The following FBXW12 variants were observed in gnomAD, a reference collection of about 807,000 sequenced individuals.
The protein encoded by FBXW12 is F-box/WD repeat-containing protein 12.
A neutral mutation model predicts 55.3 loss-of-function variants in FBXW12; 43 were observed. That is an observed-to-expected ratio of 0.78 (90% CI 0.61 to 1.00). FBXW12 has a LOEUF of 1.00. Among genes scored for constraint, FBXW12 ranks in the 50% least tolerant of loss-of-function variants. FBXW12 has a pLI of 0.00. For synonymous variants in FBXW12, 184 were observed against 203.8 expected, an observed-to-expected ratio of 0.90 and a Z score of 0.83; for missense variants, 524 against 560.5, an observed-to-expected ratio of 0.93 and a Z score of 0.66.
rs1199783743 is a variant in FBXW12, at chr3:48,373,585, A to G, written c.166A>G (p.Thr56Ala). The G allele has an allele frequency of 6.2e-7, 1 of 1,614,066 alleles. No homozygotes were observed. Among genetic ancestry groups the G allele is most frequent in the Non-Finnish European group, 8.5e-7 (1 of 1,180,004 alleles). The change falls in exon 4 of 11, where the codon ACC becomes GCC. Residue 56 changes from threonine to alanine, a missense_variant. Transcript: ENST00000296438. ...GCAGAGATGGGACTGCAGCAACTTC[A>G]CCAATCAACACCTGGGCACACACAC... is the stretch of plus-strand genomic sequence containing the variant. ...SLQRWDCSNF[T>A]NQHLGTHTWK...
At chr3:48,373,911 A>G (rs2036641968) in intron 4 of FBXW12, among the ~76,000 whole-genome samples, 1 of 152,004 alleles carries the variant, frequency 6.6e-6, no homozygotes, top group African/African-American at 2.4e-5. Context: ...TGAAGAAACT[A>G]GAGTGATTTT....
At chr3:48,393,145 A>G (rs1043013316) in intron 10 of FBXW12, among the ~76,000 whole-genome samples, 2 of 151,920 alleles carry the variant, frequency 1.3e-5, no homozygotes, top group African/African-American at 4.8e-5. Flanking sequence ...ACAGGCATGC[A>G]CCACTATGCT....
rs778624009 is a variant in FBXW12, at chr3:48,381,711, G to C, written c.997G>C (p.Ala333Pro). ...TTACATGAAAACAGCATATGAGATC[G>C]CAAGTTTCCAGGTGGCAGCTCATCT... Reference protein sequence around the residue: ...GQTVIQAYEIASFQVAAHLKC... With the variant: ...GQTVIQAYEIPSFQVAAHLKC... The change falls in exon 9 of 11, where the codon GCA (alanine) becomes CCA (proline). Residue 333 changes from alanine (A) to proline (P), a missense_variant. Ala to Pro is a conservative substitution (Grantham distance 27). Transcript: ENST00000296438. The C allele has an allele frequency of 3.2e-6, 5 of 1,573,400 alleles. No individual in the cohort carries two copies. The highest frequency in any genetic ancestry group is 2.7e-5 in the African/African-American group (2 of 73,356).
intron 2 of FBXW12, among the ~76,000 whole-genome samples, 200 bp downstream of exon 2, chr3:48,373,057 C>G (rs546348487): frequency 6.6e-6 from 1 of 152,146 alleles, no homozygotes; most frequent in East Asian, 1.9e-4. Flanking sequence ...CCTTGAGGCT[C>G]CCATTTCAAG....
intron 5 of FBXW12, among the ~76,000 whole-genome samples, chr3:48,376,407 T>G (rs2036687188): frequency 6.6e-6 from 1 of 152,246 alleles, no homozygotes; most frequent in Non-Finnish European, 1.5e-5. Flanking sequence ...ACCTGTTCTA[T>G]TGCCTCTTTG....
chr3:48,386,534 T>G (rs2106647781), intron 10 of FBXW12, among the ~76,000 whole-genome samples: 1 of 152,356 alleles, frequency 6.6e-6, no homozygotes, highest in Non-Finnish European at 1.5e-5. Flanking sequence ...AAAAGGTCAT[T>G]GAAATTTTGA....
At chr3:48,391,147 G>A (rs1019152975) in intron 10 of FBXW12, among the ~76,000 whole-genome samples, 1 of 148,294 alleles carries the variant, frequency 6.7e-6, no homozygotes, top group Non-Finnish European at 1.5e-5. Flanking sequence ...AGCCAGGCAT[G>A]GTGGTGTGCA....
chr3:48,387,441 AT>A (rs36141575), intron 10 of FBXW12, among the ~76,000 whole-genome samples: 278 of 145,344 alleles, frequency 1.9e-3, no homozygotes, highest in African/African-American at 5.9e-3. Context: ...TTTGGTCTCT[AT>A]TTTTTTTTTT....
chr3:48,379,335 C>T (rs2036730446), intron 6 of FBXW12, 65 bp from the exon 7 acceptor site: 1 of 1,471,898 alleles, frequency 6.8e-7, no homozygotes, highest in African/African-American at 1.4e-5. Flanking sequence ...CATAGTGCTG[C>T]CTCCTCTGTA....
chr3:48,383,769 T>C (rs1403536918), intron 10 of FBXW12, among the ~76,000 whole-genome samples: 1 of 152,202 alleles, frequency 6.6e-6, no homozygotes, highest in African/African-American at 2.4e-5. Context: ...GATCAAGATG[T>C]ATTTTTTTGT....
intron 10 of FBXW12, among the ~76,000 whole-genome samples, chr3:48,390,794 T>G (rs930632851): frequency 6.6e-6 from 1 of 152,112 alleles, no homozygotes; most frequent in Non-Finnish European, 1.5e-5. Context: ...CCTAGGTAAC[T>G]TATTTTGTGG....
chr3:48,373,468 A>T, intron 3 of FBXW12, 80 bp from the exon 4 acceptor site: 4 of 1,604,492 alleles, frequency 2.5e-6, no homozygotes, highest in Non-Finnish European at 3.4e-6. Flanking sequence ...TAGTGTGAGT[A>T]GGGGGTTGTG....
intron 10 of FBXW12, among the ~76,000 whole-genome samples, chr3:48,391,436 A>C (rs922915696): frequency 5.3e-5 from 8 of 151,192 alleles, no homozygotes; most frequent in African/African-American, 9.8e-5. Context: ...GATGCCCTTT[A>C]TTTCTTTCTC....
At position 48,372,726 on chromosome 3, in the gene FBXW12, GA is replaced by G. The variant is rs756140328; in HGVS notation, c.-41del. On this transcript the variant is annotated 5_prime_UTR_variant, in exon 2 of 11. It removes the in-frame stop codon of an upstream open reading frame in the 5' UTR. Coordinates refer to ENST00000296438, the MANE Select transcript of FBXW12 (RefSeq NM_207102.2). ...AAGCCTATAAATTCAGAGCAGCCCG[GA>G]GAGGAGAAAGGAAAGTGGATGTGGG... is the stretch of plus-strand genomic sequence containing the variant. The G allele has an allele frequency of 1.7e-5, 27 of 1,614,068 alleles. No homozygotes were observed. The African/African-American group carries it at 2.4e-4, about 14-fold the overall frequency.
chr3:48,380,152 T>TC (rs2036746069), intron 7 of FBXW12: 1 of 152,498 alleles, frequency 6.6e-6, no homozygotes, highest in African/African-American at 2.4e-5. Flanking sequence ...AAAAAAATTT[T>TC]TTTTTTTTTT....
rs78531042 is a variant in FBXW12, at chr3:48,383,301, G to C, written c.1295+1216G>C. Among the ~76,000 whole-genome samples the C allele has an allele frequency of 7.1e-3, 1,086 of 152,126 alleles. 13 individuals carry two copies. Among genetic ancestry groups the C allele is most frequent in the African/African-American group, 0.025 (1,022 of 41,502 alleles). ...TTTTCTTTCTTACATTTGAATGGAT[G>C]TATAGTGATACCTCATTGTGATATT... On this transcript the variant is annotated intron_variant, in intron 10 of 10. Transcript: ENST00000296438.
intron 5 of FBXW12, among the ~76,000 whole-genome samples, chr3:48,377,416 G>T (rs1575359085): frequency 6.6e-6 from 1 of 152,186 alleles, no homozygotes; most frequent in Non-Finnish European, 1.5e-5. Context: ...AGAAAGATCT[G>T]TGTGGTGAGG....
intron 4 of FBXW12, 46 bp from the exon 5 acceptor site, chr3:48,375,308 C>A: frequency 9.1e-7 from 1 of 1,096,010 alleles, no homozygotes; most frequent in South Asian, 1.3e-5. Context: ...TGGTTTGGAT[C>A]ATCCCTTAAC....
chr3:48,372,465 C>A, intron 1 of FBXW12, 145 bp downstream of exon 1: 1 of 1,138,506 alleles, frequency 8.8e-7, no homozygotes, highest in Non-Finnish European at 1.3e-6. Flanking sequence ...GCAACTGGGG[C>A]TGCCCCAGGT....
Sources: allele counts gnomAD v4.1 joint callset (sites outside exome capture counted in the v4.1 genomes callset), GRCh38; gene constraint gnomAD v4.1.1; transcripts MANE v1.5; gene names NCBI Gene and HGNC (gene_info 2026-07-23, HGNC 2026-07-21).